Variants in GATAD2B observed in about 807,000 individuals in gnomAD.
The protein encoded by GATAD2B is transcriptional repressor p66-beta.
Under a neutral mutation model 64.3 loss-of-function variants are expected in GATAD2B, and 8 were observed. That is an observed-to-expected ratio of 0.12 (90% CI 0.07 to 0.22). GATAD2B has a LOEUF of 0.22. GATAD2B is among the 10% of genes least tolerant of loss of function. The pLI is 1.00. For missense variants in GATAD2B, 453 were observed against 752.0 expected, an observed-to-expected ratio of 0.60 and a Z score of 4.65; for synonymous variants, 281 against 271.3, an observed-to-expected ratio of 1.04 and a Z score of -0.35.
intron 1 of GATAD2B, among the ~76,000 whole-genome samples, chr1:153,848,461 T>G (rs1180112618): frequency 6.6e-6 from 1 of 152,192 alleles, no homozygotes; most frequent in Non-Finnish European, 1.5e-5. Flanking sequence ...CATCTCTGGG[T>G]CTTATTCTAC....
At chr1:153,883,723 T>A (rs1034697743) in intron 1 of GATAD2B, among the ~76,000 whole-genome samples, 2 of 152,032 alleles carry the variant, frequency 1.3e-5, no homozygotes, top group Admixed American at 6.6e-5. Context: ...TTCTTTTTTA[T>A]CAGTTTTTAA....
intron 1 of GATAD2B, among the ~76,000 whole-genome samples, chr1:153,870,976 G>A (rs1676647733): frequency 6.6e-6 from 1 of 152,158 alleles, no homozygotes; most frequent in African/African-American, 2.4e-5. Flanking sequence ...GCAGTGGCAC[G>A]ATCTTGGCTC....
At chr1:153,908,060 C>T (rs1274820400) in intron 1 of GATAD2B, among the ~76,000 whole-genome samples, 1 of 152,214 alleles carries the variant, frequency 6.6e-6, no homozygotes, top group Non-Finnish European at 1.5e-5. Context: ...GCCTTGGCCT[C>T]CCAAAGTGCT....
intron 1 of GATAD2B, among the ~76,000 whole-genome samples, chr1:153,874,117 C>T (rs926849603): frequency 6.6e-6 from 1 of 151,978 alleles, no homozygotes; most frequent in East Asian, 1.9e-4. Flanking sequence ...CAAAAATTAG[C>T]TGGGTGTGGT....
chr1:153,907,785 C>T (rs1265095186), intron 1 of GATAD2B, among the ~76,000 whole-genome samples: 1 of 150,998 alleles, frequency 6.6e-6, no homozygotes, highest in African/African-American at 2.4e-5. Flanking sequence ...ACTACAAATG[C>T]CTGCCACCAC....
rs117662902 is a variant in GATAD2B at position 153,904,622 on chromosome 1, A to G, written c.-2+18111T>C. On this transcript the variant is annotated intron_variant, in intron 1 of 10. Coordinates refer to ENST00000368655, the MANE Select transcript of GATAD2B (RefSeq NM_020699.4). ...AGTGGCATGACCTCATCTCACTGCA[A>G]CCTCCACCTCATGGGTTCAAGCAAT... Among the ~76,000 whole-genome samples, 32 of 152,068 alleles carry G rather than the reference A, an allele frequency of 2.1e-4. No individual in the cohort carries two copies. In the East Asian group the frequency reaches 5.8e-3, roughly 28 times the overall value.
At chr1:153,859,701 T>C (rs568258198) in intron 1 of GATAD2B, among the ~76,000 whole-genome samples, 2 of 151,120 alleles carry the variant, frequency 1.3e-5, no homozygotes, top group African/African-American at 2.4e-5. Flanking sequence ...AAAAAGACCA[T>C]AGACATTACT....
At chr1:153,862,025 C>T (rs1418592806) in intron 1 of GATAD2B, among the ~76,000 whole-genome samples, 1 of 149,956 alleles carries the variant, frequency 6.7e-6, no homozygotes, top group African/African-American at 2.4e-5. Context: ...TCTCTATATA[C>T]CTAGTTGCTA....
At chr1:153,845,167 G>C (rs896513736) in intron 1 of GATAD2B, among the ~76,000 whole-genome samples, 3 of 152,072 alleles carry the variant, frequency 2.0e-5, no homozygotes, top group African/African-American at 7.2e-5. Flanking sequence ...AACTACAATG[G>C]ATATAACAAT....
intron 1 of GATAD2B, among the ~76,000 whole-genome samples, chr1:153,839,108 C>CAAAAAAAAAAAAAAAAAA (rs35262137): frequency 9.9e-4 from 78 of 78,564 alleles, no homozygotes; most frequent in East Asian, 1.4e-3. Flanking sequence ...GACCCTGTCT[C>CAAAAAAAAAAAAAAAAAA]AAAAAAAAAA....
At chr1:153,824,448 G>A (rs1477328703) in intron 2 of GATAD2B, among the ~76,000 whole-genome samples, 7 of 151,714 alleles carry the variant, frequency 4.6e-5, no homozygotes, top group Non-Finnish European at 7.4e-5. Flanking sequence ...CCAACATGGC[G>A]AAACCCCATC....
At chr1:153,919,367 TA>T (rs1027188003) in intron 1 of GATAD2B, among the ~76,000 whole-genome samples, 1 of 152,200 alleles carries the variant, frequency 6.6e-6, no homozygotes, top group African/African-American at 2.4e-5. Flanking sequence ...ACTCCCTTCT[TA>T]CTGGATGAAT....
Position 153,812,135 on chromosome 1 carries a change from G to A in GATAD2B, c.1420-3C>T. On this transcript the variant is annotated splice_region_variant and splice_polypyrimidine_tract_variant and intron_variant, in intron 8 of 10. Coordinates refer to ENST00000368655, the MANE Select transcript of GATAD2B (RefSeq NM_020699.4). ...TGCTGTAATCGCTGTTCAATTTCCTGTTGGGAGTCATCACATCAGGTGATT... is the reference window on the plus strand; with the variant it reads ...TGCTGTAATCGCTGTTCAATTTCCTATTGGGAGTCATCACATCAGGTGATT... 6.4e-7 allele frequency: 1 copy of A among 1,553,546 alleles called. No individual in the cohort carries two copies.
chr1:153,884,494 G>A (rs578044387), intron 1 of GATAD2B, among the ~76,000 whole-genome samples: 1 of 151,328 alleles, frequency 6.6e-6, no homozygotes, highest in South Asian at 2.1e-4. Flanking sequence ...CCCAGCTACT[G>A]GGGAGGCTGA....
At chr1:153,911,912 G>C (rs994888089) in intron 1 of GATAD2B, among the ~76,000 whole-genome samples, 1 of 152,024 alleles carries the variant, frequency 6.6e-6, no homozygotes, top group Non-Finnish European at 1.5e-5. Context: ...ACTGAATCTA[G>C]AACACAACAC....
At chr1:153,903,278 C>T (rs896478492) in intron 1 of GATAD2B, among the ~76,000 whole-genome samples, 1 of 151,672 alleles carries the variant, frequency 6.6e-6, no homozygotes, top group African/African-American at 2.4e-5. Context: ...AGAGACCAGA[C>T]CCAAGTTTTC....
chr1:153,846,368 G>A (rs1195896806), intron 1 of GATAD2B, among the ~76,000 whole-genome samples: 1 of 151,930 alleles, frequency 6.6e-6, no homozygotes, highest in Non-Finnish European at 1.5e-5. Flanking sequence ...AAGTAGCTGG[G>A]ATTACAGGTG....
At position 153,812,079 on chromosome 1, in the gene GATAD2B, T is replaced by C. The variant is rs967240764; in HGVS notation, c.1473A>G (p.Pro491=). 6.2e-7 allele frequency: 1 copy of C among 1,613,464 alleles called. No homozygotes were observed. The highest frequency in any genetic ancestry group is 1.3e-5 in the African/African-American group (1 of 75,016). The change falls in exon 9 of 11, where the codon CCA becomes CCG. Residue 491 remains proline, a synonymous_variant. Coordinates refer to ENST00000368655, the MANE Select transcript of GATAD2B (RefSeq NM_020699.4). ...QQAALSPTTA[P]AVSSVSKQET... ...CTTGTTTACTGACACTGGACACAGC[T>C]GGAGCCGTAGTGGGGGAGAGGGCTG...
chr1:153,874,817 T>C (rs773382697), intron 1 of GATAD2B, among the ~76,000 whole-genome samples: 4 of 152,036 alleles, frequency 2.6e-5, no homozygotes, highest in Non-Finnish European at 5.9e-5. Flanking sequence ...CATCAGGTGA[T>C]CCACTCGCCT....
Sources: allele counts gnomAD v4.1 joint callset (sites outside exome capture counted in the v4.1 genomes callset), GRCh38; gene constraint gnomAD v4.1.1; transcripts MANE v1.5; gene names NCBI Gene and HGNC (gene_info 2026-07-23, HGNC 2026-07-21).